Variants in CLCN4 observed in about 807,000 individuals in gnomAD.
The protein encoded by CLCN4 is Cl-/H+ antiporter 4.
In CLCN4, 1 loss-of-function variant was observed where a neutral mutation model predicts 41.7. The observed-to-expected ratio is 0.02, with a 90% CI of 0.01 to 0.11. The LOEUF (loss-of-function observed/expected upper bound fraction) is 0.11. Ranked by LOEUF, CLCN4 falls within the 10% of genes least tolerant of loss-of-function variation. The pLI is 1.00. For synonymous variants in CLCN4, 277 were observed against 285.8 expected, an observed-to-expected ratio of 0.97 and a Z score of 0.31; for missense variants, 287 against 661.0, an observed-to-expected ratio of 0.43 and a Z score of 6.20.
chrX:10,204,809 T>G (rs1204242622), intron 6 of CLCN4, among the ~76,000 whole-genome samples: 1 of 109,670 alleles, frequency 9.1e-6, no homozygotes, highest in Non-Finnish European at 1.9e-5. Context: ...TTTTAGGGGT[T>G]TGCGGCTGGG....
chrX:10,207,551 G>T (rs932803913), intron 8 of CLCN4, among the ~76,000 whole-genome samples: 2 of 112,190 alleles, frequency 1.8e-5, no homozygotes, highest in Non-Finnish European at 3.8e-5. Context: ...GAATTTTATG[G>T]TTTTCACATG....
intron 8 of CLCN4, 82 bp from the exon 9 acceptor site, chrX:10,207,951 GGACTTAGAGTGT>G: frequency 6.7e-6 from 5 of 741,546 alleles, no homozygotes; most frequent in South Asian, 2.5e-5. Context: ...GTCCACTCTT[GGACTTAGAGTGT>G]GACTTTCCTG....
chrX:10,157,943 T>C (rs1922992835), intron 1 of CLCN4, among the ~76,000 whole-genome samples: 1 of 112,615 alleles, frequency 8.9e-6, no homozygotes, highest in Admixed American at 9.4e-5. Context: ...AATGCAGCTA[T>C]TCAGAGTAAT....
chrX:10,233,074 T>G (rs913865035), intron 12 of CLCN4, among the ~76,000 whole-genome samples: 16 of 112,153 alleles, frequency 1.4e-4, no homozygotes, highest in African/African-American at 5.2e-4. Flanking sequence ...GATATAGTAG[T>G]CATCATAGGT....
At chrX:10,161,005 T>C (rs1923080603) in intron 2 of CLCN4, among the ~76,000 whole-genome samples, 1 of 110,802 alleles carries the variant, frequency 9.0e-6, no homozygotes, top group African/African-American at 3.3e-5. Flanking sequence ...ATGTTTACTA[T>C]GTGTGTGTAT....
In CLCN4 at chrX:10,220,723, C is replaced by A. The variant is rs142375213; in HGVS notation, c.2038C>A (p.Pro680Thr). 6 of 1,210,772 alleles carry A rather than the reference C, an allele frequency of 5.0e-6. No homozygotes were observed. Among genetic ancestry groups the A allele is most frequent in the Non-Finnish European group, 6.7e-6 (6 of 894,686 alleles). ...TTCCATCATGTACTTCACGGAGGAACCCCCCGAGCTGCCGGCCAACAGCCC... is the reference window on the plus strand; with the variant it reads ...TTCCATCATGTACTTCACGGAGGAAACCCCCGAGCTGCCGGCCAACAGCCC... ...SNSIMYFTEE[P>T]PELPANSPHP... is the part of the protein sequence containing the mutation. The change falls in exon 12 of 13, where the codon CCC becomes ACC. Residue 680 changes from proline to threonine, a missense_variant. Pro to Thr is a conservative substitution (Grantham distance 38). This residue lies in a region of CLCN4 where 71 missense variants were observed against 104.5 expected (regional missense o/e 0.68). Coordinates refer to ENST00000380833, the MANE Select transcript of CLCN4 (RefSeq NM_001830.4).
intron 2 of CLCN4, among the ~76,000 whole-genome samples, chrX:10,161,301 C>T (rs1239592377): frequency 3.6e-5 from 4 of 111,272 alleles, no homozygotes; most frequent in African/African-American, 9.8e-5. Context: ...TCCATCCACT[C>T]CCCACGCCAC....
chrX:10,176,423 G>A (rs779489402), intron 2 of CLCN4, among the ~76,000 whole-genome samples: 13 of 112,790 alleles, frequency 1.2e-4, no homozygotes, highest in East Asian at 5.6e-4. Context: ...TCCAGTAATC[G>A]CAATGGAGAC....
At chrX:10,157,464 T>C (rs1181055312) in intron 1 of CLCN4, among the ~76,000 whole-genome samples, 1 of 112,932 alleles carries the variant, frequency 8.9e-6, no homozygotes, top group Non-Finnish European at 1.9e-5. Context: ...ATGAATCTAT[T>C]TGCAATTGGA....
At chrX:10,164,226 A>G (rs1923186415) in intron 2 of CLCN4, among the ~76,000 whole-genome samples, 1 of 112,085 alleles carries the variant, frequency 8.9e-6, no homozygotes, top group African/African-American at 3.2e-5. Context: ...CGGTGGGCTG[A>G]GTGCTCAGGG....
In CLCN4 at chrX:10,191,473, A is replaced by G. The variant is rs1309179072; in HGVS notation, c.245-3438A>G. Among the ~76,000 whole-genome samples, 3 of 111,799 alleles carry G rather than the reference A, an allele frequency of 2.7e-5. No individual in the cohort carries two copies. In the Admixed American group the frequency reaches 2.8e-4, roughly 11 times the overall value. On this transcript the variant is annotated intron_variant, in intron 4 of 12. Transcript: ENST00000380833. ...TTTGAGTTCTTTCTACTTTGTGACT[A>G]TTTTGAAGAATGCTGCTATGAACAT... is the stretch of plus-strand genomic sequence containing the variant.
Position 10,185,104 on chromosome X carries a change from G to A in CLCN4, c.72G>A (p.Val24=), listed in dbSNP as rs1244978781. 8.3e-7 allele frequency: 1 copy of A among 1,208,144 alleles called. No homozygotes were observed. Among genetic ancestry groups the A allele is most frequent in the African/African-American group, 1.8e-5 (1 of 56,928 alleles). The change falls in exon 3 of 13, where the codon GTG becomes GTA. Residue 24 remains valine (V), a synonymous_variant. Coordinates refer to ENST00000380833, the MANE Select transcript of CLCN4 (RefSeq NM_001830.4). Reference sequence around the variant, plus strand: ...TCCTCGATGAGCCGTTCCCTGATGTGGGGACGTATGAGGACTTCCACACCA... The same window carrying A: ...TCCTCGATGAGCCGTTCCCTGATGTAGGGACGTATGAGGACTTCCACACCA... ...MDFLDEPFPD[V]GTYEDFHTID... is the part of the protein sequence containing the mutation.
chrX:10,187,456 G>A, intron 3 of CLCN4, 59 bp from the exon 4 acceptor site: 1 of 897,589 alleles, frequency 1.1e-6, no homozygotes, highest in Admixed American at 2.3e-5. Context: ...CAGTTTCAAG[G>A]AAAAAAGCAT....
rs1307443186 is a variant in CLCN4 at position 10,214,082 on chromosome X, G to A, written c.1975+3G>A. On this transcript the variant is annotated splice_donor_region_variant and intron_variant, in intron 11 of 12. Coordinates refer to ENST00000380833, the MANE Select transcript of CLCN4 (RefSeq NM_001830.4). The stretch of plus-strand genomic sequence containing the variant: ...GAGGGAACTGATTCTCGCAATAAGT[G>A]AGTAAAGAGAGGGAAGCTCACATTT... 2 of 1,153,684 alleles carry A rather than the reference G, an allele frequency of 1.7e-6. No homozygotes were observed. The highest frequency in any genetic ancestry group is 2.3e-6 in the Non-Finnish European group (2 of 867,216).
At chrX:10,200,260 C>A (rs1007708146) in intron 6 of CLCN4, among the ~76,000 whole-genome samples, 2 of 112,114 alleles carry the variant, frequency 1.8e-5, no homozygotes, top group Non-Finnish European at 1.9e-5. Flanking sequence ...TGGGCTCAAG[C>A]AATCCTCCCG....
chrX:10,228,775 G>T (rs1179441300), intron 12 of CLCN4, among the ~76,000 whole-genome samples: 1 of 111,825 alleles, frequency 8.9e-6, no homozygotes, highest in Non-Finnish European at 1.9e-5. Context: ...AAGGTATGAG[G>T]TTGGCAGGGT....
At chrX:10,182,448 T>C (rs995731902) in intron 2 of CLCN4, among the ~76,000 whole-genome samples, 88 of 112,416 alleles carry the variant, frequency 7.8e-4, no homozygotes, top group Admixed American at 4.2e-3. Flanking sequence ...CCCTTTGAGA[T>C]GGAGTCTCGC....
intron 2 of CLCN4, among the ~76,000 whole-genome samples, chrX:10,181,891 G>A (rs1333576652): frequency 9.0e-6 from 1 of 111,673 alleles, no homozygotes; most frequent in Admixed American, 9.5e-5. Flanking sequence ...TTGGGTCCTG[G>A]GTGAAGTGAG....
At position 10,234,292 on chromosome X, in the gene CLCN4, A is replaced by C. The variant is rs1046067269; in HGVS notation, c.*708A>C. 1.8e-5 allele frequency: 2 copies of C among 112,404 alleles called. No individual in the cohort carries two copies. The highest frequency in any genetic ancestry group is 3.8e-5 in the Non-Finnish European group (2 of 53,290). 9.3% of individuals were successfully genotyped at this position (112,404 alleles called of 1,213,427 possible). On this transcript the variant is annotated 3_prime_UTR_variant, in exon 13 of 13. Transcript: ENST00000380833. ...GCATCCTGGGACTGCACGATGAACT[A>C]TTGGAGCATACAGTACTGCGGTGTG...
Sources: gnomAD v4.1 joint callset for allele counts (sites outside exome capture counted in the v4.1 genomes callset) on GRCh38, gnomAD v4.1.1 for gene constraint, gnomAD v4.1.1 regional missense constraint, MANE v1.5 for transcripts, NCBI Gene and HGNC (gene_info 2026-07-23, HGNC 2026-07-21) for gene names.